Variants in DDC observed in about 807,000 individuals in gnomAD.
The protein encoded by DDC is dopa decarboxylase.
Under a neutral mutation model 60.0 loss-of-function variants are expected in DDC, and 43 were observed. That is an observed-to-expected ratio of 0.72 (90% CI 0.56 to 0.92). The LOEUF (loss-of-function observed/expected upper bound fraction) is 0.92. Among genes scored for constraint, DDC ranks in the 40% least tolerant of loss-of-function variants. The pLI is 0.00. For missense variants in DDC, 573 were observed against 620.2 expected (o/e 0.92, Z 0.81); for synonymous variants, 232 against 234.6 (o/e 0.99, Z 0.10).
chr7:50,495,450 AT>A, intron 8 of DDC, 33 bp from the exon 9 acceptor site: 2 of 1,500,580 alleles, frequency 1.3e-6, no homozygotes, highest in African/African-American at 1.4e-5. Flanking sequence ...AAAAGAAAAC[AT>A]TTTCTTTATA....
intron 1 of DDC, among the ~76,000 whole-genome samples, chr7:50,562,411 G>A (rs1045861515): frequency 2.0e-5 from 3 of 152,224 alleles, no homozygotes; most frequent in African/African-American, 7.2e-5. Flanking sequence ...GGAGCCAGAA[G>A]CCAGCAGCAA....
intron 9 of DDC, among the ~76,000 whole-genome samples, chr7:50,489,259 G>A (rs1157457999): frequency 2.6e-5 from 4 of 151,916 alleles, no homozygotes; most frequent in South Asian, 2.1e-4. Flanking sequence ...CTCCCACCTC[G>A]GCCTCCCAAA....
chr7:50,505,960 C>T (rs141599326), intron 6 of DDC, among the ~76,000 whole-genome samples: 61 of 152,316 alleles, frequency 4.0e-4, no homozygotes, highest in Middle Eastern at 3.4e-3. Context: ...TCCTCACAGT[C>T]CCCAAGGGGA....
intron 9 of DDC, among the ~76,000 whole-genome samples, chr7:50,481,344 T>G (rs2042763168): frequency 6.6e-6 from 1 of 152,208 alleles, no homozygotes; most frequent in South Asian, 2.1e-4. Flanking sequence ...ATCATAGGCA[T>G]TTTATGGGGA....
At chr7:50,543,583 C>T (rs868379520) in intron 2 of DDC, 4 of 434,874 alleles carry the variant, frequency 9.2e-6, no homozygotes, top group African/African-American at 6.0e-5. Context: ...AGGACACGCT[C>T]TATGTACCGA....
intron 9 of DDC, among the ~76,000 whole-genome samples, chr7:50,488,270 A>G (rs1017246939): frequency 5.3e-5 from 8 of 151,970 alleles, no homozygotes; most frequent in African/African-American, 1.9e-4. Flanking sequence ...GTCATTTCCA[A>G]TTTAAAAAAA....
chr7:50,493,665 C>T (rs1008289163), intron 9 of DDC, among the ~76,000 whole-genome samples: 6 of 152,186 alleles, frequency 3.9e-5, no homozygotes, highest in Admixed American at 3.9e-4. Context: ...ACGGCCATGT[C>T]TTTCATAAAT....
At chr7:50,483,569 A>G (rs187459702) in intron 9 of DDC, among the ~76,000 whole-genome samples, 4 of 152,258 alleles carry the variant, frequency 2.6e-5, no homozygotes, top group Non-Finnish European at 4.4e-5. Flanking sequence ...GATTGGACTG[A>G]TAAGTTTCCT....
chr7:50,557,831 T>G (rs1004479224), intron 1 of DDC, among the ~76,000 whole-genome samples: 1 of 152,210 alleles, frequency 6.6e-6, no homozygotes, highest in Non-Finnish European at 1.5e-5. Context: ...CAATTTCTTT[T>G]TGAAAAACTG....
rs59085745 is a variant in DDC, at chr7:50,527,865, CA to C, written c.714+271del. 0.49 allele frequency: 155,186 copies of C among 317,556 alleles called. 31,347 individuals are homozygous for C. Among genetic ancestry groups the C allele is most frequent in the African/African-American group, 0.56 (25,458 of 45,594 alleles). The allele number at this position is 317,556 out of a possible 1,614,324, so 19.7% of individuals were successfully genotyped here. A position where few individuals can be genotyped will look rare whatever the true frequency, so the allele number is the denominator to read the frequency against. On this transcript the variant is annotated intron_variant, in intron 6 of 14. Transcript: ENST00000444124. ...GTGGAATTGACTTGAATTGACAAAA[CA>C]AAAAAAAAAATGGAGGTAAAAAGCG...
intron 1 of DDC, among the ~76,000 whole-genome samples, chr7:50,546,799 G>C (rs1289300269): frequency 6.6e-6 from 1 of 152,234 alleles, no homozygotes; most frequent in Admixed American, 6.5e-5. Flanking sequence ...CAGTGATTGA[G>C]ACGTAAGATT....
chr7:50,500,315 G>A (rs2043222498), intron 7 of DDC, among the ~76,000 whole-genome samples: 1 of 152,142 alleles, frequency 6.6e-6, no homozygotes, highest in Non-Finnish European at 1.5e-5. Flanking sequence ...CCAATCAGGA[G>A]GGCTCCACTG....
chr7:50,484,689 C>T (rs1360942603), intron 9 of DDC, among the ~76,000 whole-genome samples: 1 of 152,178 alleles, frequency 6.6e-6, no homozygotes, highest in African/African-American at 2.4e-5. Context: ...GCTTTTGTGG[C>T]ACCAAAGTCA....
In DDC at chr7:50,518,137, G is replaced by C. The variant is rs1454995488; in HGVS notation, c.714+10000C>G. Reference sequence around the variant, plus strand: ...GAGGCAGGAGAATGGCATGAACCTGGAAATGTGAAGGTTGCAGTGAGCCAA... The same window carrying C: ...GAGGCAGGAGAATGGCATGAACCTGCAAATGTGAAGGTTGCAGTGAGCCAA... On this transcript the variant is annotated intron_variant, in intron 6 of 14. Transcript: ENST00000444124. Among the ~76,000 whole-genome samples, 5 of 149,484 alleles carry C rather than the reference G, an allele frequency of 3.3e-5. No homozygotes were observed. In the Admixed American group the frequency reaches 3.4e-4, roughly 10 times the overall value.
chr7:50,524,065 G>C (rs563310275), intron 6 of DDC, among the ~76,000 whole-genome samples: 1 of 152,128 alleles, frequency 6.6e-6, no homozygotes, highest in Non-Finnish European at 1.5e-5. Context: ...ATCTGAAAAG[G>C]CTACATATTG....
intron 8 of DDC, 108 bp downstream of exon 8, chr7:50,499,040 G>A: frequency 1.1e-6 from 1 of 933,376 alleles, no homozygotes; most frequent in Non-Finnish European, 1.7e-6. Flanking sequence ...ATAATTGGCT[G>A]AAACAAACCT....
intron 1 of DDC, among the ~76,000 whole-genome samples, chr7:50,555,232 A>G (rs951530663): frequency 6.7e-6 from 1 of 149,178 alleles, no homozygotes; most frequent in South Asian, 2.1e-4. Flanking sequence ...GAACCCTACC[A>G]CAATCCGGGT....
At chr7:50,519,588 C>T (rs941906219) in intron 6 of DDC, among the ~76,000 whole-genome samples, 4 of 152,160 alleles carry the variant, frequency 2.6e-5, no homozygotes, top group African/African-American at 7.2e-5. Flanking sequence ...TAACAGCATT[C>T]GCAGTGACCT....
chr7:50,544,120 A>G lies in DDC; in HGVS notation c.-28-7T>C. The G allele has an allele frequency of 6.2e-7, 1 of 1,605,538 alleles. No homozygotes were observed. The highest frequency in any genetic ancestry group is 8.5e-7 in the Non-Finnish European group (1 of 1,172,224). On this transcript the variant is annotated splice_polypyrimidine_tract_variant and splice_region_variant and intron_variant, in intron 1 of 14. Coordinates refer to ENST00000444124, the MANE Select transcript of DDC (RefSeq NM_001082971.2). ...GCTCTGTCAGAGGTGAAAACTGCAG[A>G]AAGAAAATGATTCAGTGAGCAAATT...
Sources: allele counts gnomAD v4.1 joint callset (sites outside exome capture counted in the v4.1 genomes callset), GRCh38; gene constraint gnomAD v4.1.1; transcripts MANE v1.5; gene names NCBI Gene and HGNC (gene_info 2026-07-23, HGNC 2026-07-21).